Variants in EML1 observed in about 807,000 individuals in gnomAD.
The protein encoded by EML1 is echinoderm microtubule-associated protein-like 1.
A neutral mutation model predicts 110.4 loss-of-function variants in EML1; 27 were observed. The ratio of observed to expected loss-of-function variants is 0.24; its 90% CI spans 0.18 to 0.34. EML1 has a LOEUF of 0.34. EML1 is among the 10% of genes least tolerant of loss of function. EML1 has a pLI of 1.00. For synonymous variants in EML1, 344 were observed against 385.8 expected (o/e 0.89, Z 1.27); for missense variants, 741 against 1,030.9 (o/e 0.72, Z 3.85).
chr14:99,840,906 G>A (rs1162412734), intron 1 of EML1, among the ~76,000 whole-genome samples: 1 of 152,164 alleles, frequency 6.6e-6, no homozygotes, highest in African/African-American at 2.4e-5. Context: ...AAACTTCAAA[G>A]TCAGATCTGT....
At chr14:99,848,792 G>A (rs1009099488) in intron 1 of EML1, among the ~76,000 whole-genome samples, 6 of 151,870 alleles carry the variant, frequency 4.0e-5, no homozygotes, top group Admixed American at 1.3e-4. Context: ...GTGAGACCCT[G>A]CCTCTATAAA....
chr14:99,874,120 C>A (rs2059249749), intron 3 of EML1, among the ~76,000 whole-genome samples: 1 of 152,172 alleles, frequency 6.6e-6, no homozygotes, highest in Non-Finnish European at 1.5e-5. Context: ...ATTGTAGCTT[C>A]TTATGCTTAG....
Position 99,904,519 on chromosome 14 carries a change from C to CT in EML1, c.1009-3115dup, listed in dbSNP as rs561638657. 1.7e-4 allele frequency among the ~76,000 whole-genome samples: 26 copies of CT among 151,396 alleles called. No homozygotes were observed. The East Asian group carries it at 4.8e-3, about 28-fold the overall frequency. ...GAACTGAAAGGCATTACACTTTTTA[C>CT]TTTTCTTACAAAATATTTGATTTAA... On this transcript the variant is annotated intron_variant, in intron 9 of 21. Transcript: ENST00000262233.
At position 99,804,954 on chromosome 14, in the gene EML1, G is replaced by C. The variant is rs548422006; in HGVS notation, c.67+11411G>C. ...CAGGGCCCTGGATGCAGCCACCCTG[G>C]ACTTCTGGTAGCTTCTGAAGGTGCC... On this transcript the variant is annotated intron_variant, in intron 1 of 21. Coordinates refer to ENST00000262233, the MANE Select transcript of EML1 (RefSeq NM_004434.3). Among the ~76,000 whole-genome samples, 6 of 152,268 alleles carry C rather than the reference G, an allele frequency of 3.9e-5. No homozygotes were observed. In the South Asian group the frequency reaches 1.2e-3, roughly 32 times the overall value.
At chr14:99,844,660 A>G (rs781320825) in intron 1 of EML1, among the ~76,000 whole-genome samples, 3 of 152,186 alleles carry the variant, frequency 2.0e-5, no homozygotes, top group Non-Finnish European at 4.4e-5. Flanking sequence ...GAACATTCCA[A>G]TTACCTTCAA....
chr14:99,812,579 C>T (rs1353965278), intron 1 of EML1, among the ~76,000 whole-genome samples: 1 of 148,346 alleles, frequency 6.7e-6, no homozygotes, highest in South Asian at 2.1e-4. Context: ...CCTGTACAAT[C>T]GGCTCTTCAC....
At chr14:99,844,211 T>C (rs1227170760) in intron 1 of EML1, among the ~76,000 whole-genome samples, 2 of 152,210 alleles carry the variant, frequency 1.3e-5, no homozygotes, top group Non-Finnish European at 1.5e-5. Context: ...CCAGGCGCAG[T>C]GGCTCACACC....
At chr14:99,813,524 A>G (rs1357100693) in intron 1 of EML1, among the ~76,000 whole-genome samples, 1 of 152,224 alleles carries the variant, frequency 6.6e-6, no homozygotes, top group African/African-American at 2.4e-5. Context: ...AGACCAGCCT[A>G]GGTCGCATAG....
At chr14:99,867,470 G>A (rs1364934327) in intron 3 of EML1, among the ~76,000 whole-genome samples, 1 of 152,150 alleles carries the variant, frequency 6.6e-6, no homozygotes, top group Admixed American at 6.5e-5. Flanking sequence ...AACATAGGAT[G>A]TCTTTCTCTT....
chr14:99,771,721 A>T (rs1013126321), upstream of EML1, among the ~76,000 whole-genome samples: 10 of 152,196 alleles, frequency 6.6e-5, no homozygotes. Flanking sequence ...CTGAGGTGGG[A>T]GGATCACTTG....
intron 17 of EML1, among the ~76,000 whole-genome samples, chr14:99,933,402 C>T (rs538231815): frequency 7.2e-4 from 109 of 152,294 alleles, no homozygotes; most frequent in African/African-American, 2.5e-3. Context: ...TCTCAAACTC[C>T]TGATCTCAGG....
intron 1 of EML1, among the ~76,000 whole-genome samples, chr14:99,820,824 T>C (rs2139743847): frequency 6.6e-6 from 1 of 152,004 alleles, no homozygotes; most frequent in African/African-American, 2.4e-5. Flanking sequence ...AGGAAAAGCA[T>C]GGAAGGAGGA....
At chr14:99,890,343 C>T (rs895626617) in intron 4 of EML1, among the ~76,000 whole-genome samples, 10 of 152,146 alleles carry the variant, frequency 6.6e-5, no homozygotes, top group African/African-American at 2.4e-4. Flanking sequence ...GGGGTCACCC[C>T]CCTCCCTGAG....
chr14:99,759,993 G>A (rs553695769), intron 1 of EML1, among the ~76,000 whole-genome samples: 1 of 142,646 alleles, frequency 7.0e-6, no homozygotes, highest in South Asian at 2.2e-4. Context: ...TGTAATCCCA[G>A]CTACTCAGGA....
chr14:99,939,326 G>C lies in EML1; in HGVS notation c.2321G>C (p.Arg774Thr). Reference protein sequence around the residue: ...HLFSYPCSQFRAPSHIYGGHS... With the variant: ...HLFSYPCSQFTAPSHIYGGHS... Reference sequence around the variant, plus strand: ...TTCTCATACCCCTGCTCGCAGTTCAGGGTAAAGGACTTGTTTCTTCACTAA... The same window carrying C: ...TTCTCATACCCCTGCTCGCAGTTCACGGTAAAGGACTTGTTTCTTCACTAA... The change falls in exon 21 of 22, where the codon AGG (arginine) becomes ACG (threonine). Residue 774 changes from arginine to threonine, a missense_variant and splice_region_variant. Around this residue, in one of 4 missense-constraint regions of EML1, gnomAD observed 114 missense variants for 122.5 expected, o/e 0.93. Coordinates refer to ENST00000262233, the MANE Select transcript of EML1 (RefSeq NM_004434.3). The surrounding 1 kb of genome is among the most constrained non-coding windows in gnomAD (Gnocchi z 4.2). 1 of 1,614,208 alleles carries C rather than the reference G, an allele frequency of 6.2e-7. No homozygotes were observed. Among genetic ancestry groups the C allele is most frequent in the Non-Finnish European group, 8.5e-7 (1 of 1,180,030 alleles).
chr14:99,796,578 A>G (rs1326752094), intron 1 of EML1, among the ~76,000 whole-genome samples: 2 of 151,190 alleles, frequency 1.3e-5, no homozygotes, highest in Middle Eastern at 3.2e-3. Context: ...TGCAGACTCA[A>G]ACTCCTGGGG....
chr14:99,835,165 T>C (rs973929013), intron 1 of EML1, among the ~76,000 whole-genome samples: 1 of 152,240 alleles, frequency 6.6e-6, no homozygotes, highest in African/African-American at 2.4e-5. Context: ...TTAATAGGAC[T>C]CTTTAGATCT....
intron 1 of EML1, among the ~76,000 whole-genome samples, chr14:99,810,287 GTTCC>G (rs1381377130): frequency 1.3e-5 from 2 of 152,200 alleles, no homozygotes; most frequent in Non-Finnish European, 2.9e-5. Flanking sequence ...AAATTCATGG[GTTCC>G]TTCCTTCCTT....
chr14:99,779,387 G>A (rs538338032), intron 1 of EML1, among the ~76,000 whole-genome samples: 1 of 152,236 alleles, frequency 6.6e-6, no homozygotes, highest in East Asian at 1.9e-4. Context: ...TTTGACCTAT[G>A]AGGATATAAA....
Sources: allele counts gnomAD v4.1 joint callset (sites outside exome capture counted in the v4.1 genomes callset), GRCh38; gene constraint gnomAD v4.1.1; regional missense constraint gnomAD v4.1.1; non-coding constraint Gnocchi (gnomAD v3.1); transcripts MANE v1.5; gene names NCBI Gene and HGNC (gene_info 2026-07-23, HGNC 2026-07-21).